The following KATNAL2 variants were observed in gnomAD, a reference collection of about 807,000 sequenced individuals.
The protein encoded by KATNAL2 is katanin p60 ATPase-containing subunit A-like 2.
KATNAL2 carries 52 observed loss-of-function variants against 76.3 expected under a neutral mutation model. The observed-to-expected ratio is 0.68, with a 90% CI of 0.55 to 0.86. The LOEUF is 0.86. KATNAL2 is among the 40% of genes least tolerant of loss of function. The pLI, the probability that KATNAL2 is intolerant of heterozygous loss-of-function variation, is 0.00. For synonymous variants in KATNAL2, 243 were observed against 244.2 expected (o/e 1.00, Z 0.05); for missense variants, 660 against 668.9 (o/e 0.99, Z 0.15).
chr18:46,944,367 G>A (rs565942726), intron 1 of KATNAL2, among the ~76,000 whole-genome samples: 51 of 152,192 alleles, frequency 3.4e-4, no homozygotes, highest in Admixed American at 9.2e-4. Flanking sequence ...AATAAAAAAC[G>A]CGGTATAATG....
chr18:47,043,214 G>A (rs1306082489), intron 3 of KATNAL2, among the ~76,000 whole-genome samples: 1 of 45,036 alleles, frequency 2.2e-5, no homozygotes, highest in African/African-American at 7.9e-5. Context: ...GCGACAGAGC[G>A]AGACTCCGTT....
At chr18:46,932,323 T>C (rs2058952206) in intron 1 of KATNAL2, among the ~76,000 whole-genome samples, 1 of 152,106 alleles carries the variant, frequency 6.6e-6, no homozygotes, top group African/African-American at 2.4e-5. Flanking sequence ...AATAAATAGT[T>C]TCCTTCCAAT....
chr18:47,033,435 C>T (rs113573177), intron 3 of KATNAL2: 199 of 1,613,768 alleles, frequency 1.2e-4, no homozygotes, highest in Middle Eastern at 3.3e-4. Flanking sequence ...CGTCCGGAAG[C>T]CGCAGGTACT....
intron 3 of KATNAL2, chr18:47,032,756 A>T: frequency 1.5e-6 from 1 of 646,274 alleles, no homozygotes. Context: ...GTGAACATCC[A>T]AAATAGAATT....
At chr18:46,945,288 C>T (rs574647286) in intron 1 of KATNAL2, among the ~76,000 whole-genome samples, 4 of 152,174 alleles carry the variant, frequency 2.6e-5, no homozygotes, top group Admixed American at 2.6e-4. Context: ...GTTGTGGAAT[C>T]AGGAACTAAT....
At chr18:47,048,828 C>CTTTTTTTTTT (rs35366730) in intron 4 of KATNAL2, among the ~76,000 whole-genome samples, 16 of 76,764 alleles carry the variant, frequency 2.1e-4, no homozygotes, top group African/African-American at 3.7e-4. Context: ...AAGCCAGACT[C>CTTTTTTTTTT]TTTTTTTTTT....
intron 17 of KATNAL2, 82 bp downstream of exon 17, chr18:47,100,438 T>C (rs914776198): frequency 4.0e-5 from 45 of 1,129,286 alleles, no homozygotes; most frequent in Middle Eastern, 2.0e-4. Context: ...TGGCGCCTGT[T>C]CTTGGTGCCG....
intron 1 of KATNAL2, among the ~76,000 whole-genome samples, chr18:46,923,762 A>C (rs7233904): frequency 0.077 from 11,724 of 152,128 alleles, 483 homozygotes; most frequent in African/African-American, 0.098. Context: ...TTAATGATCG[A>C]CATTCTAACT....
chr18:46,950,961 G>A (rs1206873698), intron 3 of KATNAL2, among the ~76,000 whole-genome samples: 8 of 152,166 alleles, frequency 5.3e-5, no homozygotes, highest in Admixed American at 5.2e-4. Flanking sequence ...TGGGATTACA[G>A]GCGTGAGCCA....
At chr18:46,952,064 T>C (rs2059574129) in intron 3 of KATNAL2, among the ~76,000 whole-genome samples, 1 of 151,678 alleles carries the variant, frequency 6.6e-6, no homozygotes, top group Non-Finnish European at 1.5e-5. Flanking sequence ...TGAGCCACCA[T>C]GCTAGGCCCC....
chr18:46,923,102 TGTGCA>T (rs1203566333), intron 1 of KATNAL2, among the ~76,000 whole-genome samples: 1 of 150,712 alleles, frequency 6.6e-6, no homozygotes, highest in Non-Finnish European at 1.5e-5. Flanking sequence ...TTAGGGTACA[TGTGCA>T]CAACGTGCAG....
At chr18:46,951,195 G>A (rs1042011059) in intron 3 of KATNAL2, among the ~76,000 whole-genome samples, 1 of 151,960 alleles carries the variant, frequency 6.6e-6, no homozygotes, top group Admixed American at 6.6e-5. Context: ...TAATCCGATT[G>A]TATAAATACT....
intron 4 of KATNAL2, among the ~76,000 whole-genome samples, chr18:47,048,936 G>T (rs2061252720): frequency 6.7e-6 from 1 of 149,490 alleles, no homozygotes; most frequent in South Asian, 2.1e-4. Flanking sequence ...CTGGGTTCAG[G>T]CCATTCTCCT....
chr18:46,938,331 A>C (rs921024169), intron 1 of KATNAL2, among the ~76,000 whole-genome samples: 4 of 152,300 alleles, frequency 2.6e-5, no homozygotes, highest in African/African-American at 9.6e-5. Flanking sequence ...AAACCAGGAC[A>C]GCTGGTACCT....
intron 1 of KATNAL2, among the ~76,000 whole-genome samples, chr18:46,938,331 AGCTGGTACCTCTGGG>A (rs2146606295): frequency 6.6e-6 from 1 of 152,300 alleles, no homozygotes; most frequent in Admixed American, 6.5e-5. Context: ...AAACCAGGAC[AGCTGGTACCTCTGGG>A]GGATGGGAAT....
In KATNAL2 at chr18:47,062,905, A is replaced by C. The variant is rs1051029249; in HGVS notation, c.550-67A>C. On this transcript the variant is annotated intron_variant, in intron 8 of 17. Transcript: ENST00000683218. ...CTATAAATGTGTCTTGGTTTAATGA[A>C]ACTGAGTTATTAAGAAGAGTCTTCT... is the stretch of plus-strand genomic sequence containing the variant. The C allele has an allele frequency of 1.5e-5, 20 of 1,294,100 alleles. No homozygotes were observed. The Admixed American group carries it at 2.2e-4, about 14-fold the overall frequency. 80.2% of individuals were successfully genotyped at this position (1,294,100 alleles called of 1,614,324 possible). A position where few individuals can be genotyped will look rare whatever the true frequency, so the allele number is the denominator to read the frequency against.
chr18:47,046,560 T>A, intron 4 of KATNAL2, 33 bp downstream of exon 4: 1 of 1,369,422 alleles, frequency 7.3e-7, no homozygotes, highest in Non-Finnish European at 1.0e-6. Flanking sequence ...ATAGAGATGA[T>A]TCCTCTTTCT....
rs1569086692 is a variant in KATNAL2 at position 47,054,411 on chromosome 18, CG to C, written c.306del (p.Gln103LysfsTer10). 13 of 1,613,024 alleles carry C rather than the reference CG, an allele frequency of 8.1e-6. No individual in the cohort carries two copies. The highest frequency in any genetic ancestry group is 1.7e-5 in the Admixed American group (1 of 59,984). On this transcript the variant is annotated frameshift_variant, in exon 6 of 18. Coordinates refer to ENST00000683218, the MANE Select transcript of KATNAL2 (RefSeq NM_001387690.1). LOFTEE classifies it high-confidence loss of function. ...KSSDTAENNL[P>X]QRSRGKTRRM... is the part of the protein sequence containing the mutation. ...TTTGTCACAGCAGAAAATAATTTAC[CG>C]CAAAGAAGTAGAGGGAAGACCAGAA...
Position 46,917,605 on chromosome 18 carries a change from C to G in KATNAL2, c.-831C>G, listed in dbSNP as rs2058139080. ...ACCGCCTTCCGCCCGCGCCTTCAGTCCGCGCGGCGACAGCGCCCGCCCGCG... is the reference window on the plus strand; with the variant it reads ...ACCGCCTTCCGCCCGCGCCTTCAGTGCGCGCGGCGACAGCGCCCGCCCGCG... On this transcript the variant is annotated 5_prime_UTR_variant, in exon 1 of 18. Coordinates refer to ENST00000683218, the MANE Select transcript of KATNAL2 (RefSeq NM_001387690.1). 2.0e-6 allele frequency: 2 copies of G among 1,005,208 alleles called. No homozygotes were observed. Among genetic ancestry groups the G allele is most frequent in the Admixed American group, 5.7e-5 (1 of 17,536 alleles). 62.3% of individuals were successfully genotyped at this position (1,005,208 alleles called of 1,614,324 possible). A position where few individuals can be genotyped will look rare whatever the true frequency, so the allele number is the denominator to read the frequency against.
Sources: gnomAD v4.1 joint callset for allele counts (sites outside exome capture counted in the v4.1 genomes callset) on GRCh38, gnomAD v4.1.1 for gene constraint, MANE v1.5 for transcripts, NCBI Gene and HGNC (gene_info 2026-07-23, HGNC 2026-07-21) for gene names.